GRIP1: variants seen among roughly 807,000 people sequenced by gnomAD.
GRIP1 encodes the protein glutamate receptor interacting protein 1, also known as glutamate receptor-interacting protein 1.
A neutral mutation model predicts 129.9 loss-of-function variants in GRIP1; 45 were observed. That is an observed-to-expected ratio of 0.35 (90% CI 0.27 to 0.44). The LOEUF is 0.44. GRIP1 is among the 20% of genes least tolerant of loss of function. The pLI is 1.00. For synonymous variants in GRIP1, 530 were observed against 520.8 expected, an observed-to-expected ratio of 1.02 and a Z score of -0.24; for missense variants, 1,196 against 1,396.8, an observed-to-expected ratio of 0.86 and a Z score of 2.29.
rs369899849 is a variant in GRIP1, at chr12:66,964,424, C to A, written c.58+104626G>T. On this transcript the variant is annotated intron_variant, in intron 1 of 1. Coordinates refer to the GRIP1 transcript ENST00000643019. Reference sequence around the variant, plus strand: ...TAATAAAAGCTTACTGCCCTAATGCCTAATCTCACTAGTCCCCCATTCACC... The same window carrying A: ...TAATAAAAGCTTACTGCCCTAATGCATAATCTCACTAGTCCCCCATTCACC... Among the ~76,000 whole-genome samples the A allele has an allele frequency of 6.6e-5, 10 of 152,126 alleles. 1 individual carries two copies. The South Asian group carries it at 2.1e-3, about 32-fold the overall frequency.
At chr12:66,826,713 T>G (rs1483083001) in intron 1 of GRIP1, among the ~76,000 whole-genome samples, 2 of 141,562 alleles carry the variant, frequency 1.4e-5, no homozygotes, top group African/African-American at 6.4e-5. Flanking sequence ...TTCTAGTCAA[T>G]GAAAAAATGA....
intron 1 of GRIP1, among the ~76,000 whole-genome samples, chr12:66,658,243 A>T (rs1285450184): frequency 1.3e-5 from 2 of 152,232 alleles, no homozygotes; most frequent in Admixed American, 1.3e-4. Context: ...ACTATTAATT[A>T]GCAAATTACT....
chr12:67,038,673 A>G (rs1019896388), intron 1 of GRIP1, among the ~76,000 whole-genome samples: 1 of 152,170 alleles, frequency 6.6e-6, no homozygotes, highest in Admixed American at 6.6e-5. Context: ...TCAAAACATG[A>G]TTGTGAAAGG....
chr12:67,000,054 T>C (rs1187647023), intron 1 of GRIP1, among the ~76,000 whole-genome samples: 1 of 152,212 alleles, frequency 6.6e-6, no homozygotes, highest in Non-Finnish European at 1.5e-5. Context: ...ACAGATCATA[T>C]GACAGCACAA....
chr12:66,669,803 T>G (rs1283511476), intron 1 of GRIP1, among the ~76,000 whole-genome samples: 1 of 152,182 alleles, frequency 6.6e-6, no homozygotes, highest in Non-Finnish European at 1.5e-5. Context: ...TGGCACACCA[T>G]TATAGAGTAG....
intron 1 of GRIP1, among the ~76,000 whole-genome samples, chr12:67,016,013 A>G (rs530050769): frequency 6.6e-6 from 1 of 152,286 alleles, no homozygotes; most frequent in Admixed American, 6.5e-5. Context: ...AGGACACAAT[A>G]GCATTTACTT....
At chr12:66,675,222 A>G (rs912530859) in intron 1 of GRIP1, among the ~76,000 whole-genome samples, 2 of 152,316 alleles carry the variant, frequency 1.3e-5, no homozygotes, top group Admixed American at 6.5e-5. Flanking sequence ...CAAAACAATG[A>G]AAGGTGCCCA....
In GRIP1 at chr12:66,801,567, A is replaced by G. The variant is rs140610988; in HGVS notation, c.-420+2486T>C. 1.6e-4 allele frequency among the ~76,000 whole-genome samples: 25 copies of G among 152,300 alleles called. No individual in the cohort carries two copies. The East Asian group carries it at 4.8e-3, about 29-fold the overall frequency. ...AATGGGTGGTGAAATTCTAAATCAGAACCCACAATAGAAGAGACATTAGGA... is the reference window on the plus strand; with the variant it reads ...AATGGGTGGTGAAATTCTAAATCAGGACCCACAATAGAAGAGACATTAGGA... On this transcript the variant is annotated intron_variant, in intron 1 of 4. Coordinates refer to the GRIP1 transcript ENST00000538373.
intron 7 of GRIP1, among the ~76,000 whole-genome samples, chr12:66,504,447 C>T (rs931735381): frequency 3.3e-5 from 5 of 152,134 alleles, no homozygotes; most frequent in Non-Finnish European, 7.4e-5. Context: ...GGTCTAGTGG[C>T]TTGAATCTCA....
chr12:66,623,407 C>T lies in GRIP1; in HGVS notation c.56-26480G>A, dbSNP rs533949148. Reference sequence around the variant, plus strand: ...AAGTAGCTTGCCCATTGTCACATAGCTGCTAACTGGGATTGGGCCTACTTA... The same window carrying T: ...AAGTAGCTTGCCCATTGTCACATAGTTGCTAACTGGGATTGGGCCTACTTA... On this transcript the variant is annotated intron_variant, in intron 1 of 24. Transcript: ENST00000359742. 2.6e-5 allele frequency among the ~76,000 whole-genome samples: 4 copies of T among 152,254 alleles called. No homozygotes were observed. The East Asian group carries it at 7.7e-4, about 29-fold the overall frequency.
chr12:66,364,573 C>A (rs2055024451), intron 23 of GRIP1, among the ~76,000 whole-genome samples: 1 of 152,158 alleles, frequency 6.6e-6, no homozygotes, highest in Non-Finnish European at 1.5e-5. Flanking sequence ...AAATATGGGA[C>A]AAAGGACAGA....
chr12:66,807,638 C>T (rs2039020212), upstream of GRIP1, among the ~76,000 whole-genome samples: 1 of 152,022 alleles, frequency 6.6e-6, no homozygotes, highest in Non-Finnish European at 1.5e-5. Flanking sequence ...CCCGCCACTG[C>T]ACTCCAGCCT....
At chr12:66,355,383 T>C (rs762818483) in intron 23 of GRIP1, among the ~76,000 whole-genome samples, 6 of 152,208 alleles carry the variant, frequency 3.9e-5, no homozygotes, top group Non-Finnish European at 8.8e-5. Context: ...ATTTAATCCT[T>C]ATAACGATTC....
At chr12:66,833,200 T>C (rs570249617) in intron 1 of GRIP1, among the ~76,000 whole-genome samples, 4 of 152,230 alleles carry the variant, frequency 2.6e-5, no homozygotes, top group Non-Finnish European at 5.9e-5. Context: ...AAAGGTTGTC[T>C]AGTTTACAGG....
At chr12:66,597,449 G>C (rs2064097303) in intron 1 of GRIP1, among the ~76,000 whole-genome samples, 1 of 152,142 alleles carries the variant, frequency 6.6e-6, no homozygotes, top group Non-Finnish European at 1.5e-5. Context: ...GGTTCCTCCT[G>C]GGAGTGTGAA....
chr12:66,357,147 G>C (rs1025946356), intron 23 of GRIP1, among the ~76,000 whole-genome samples: 4 of 152,168 alleles, frequency 2.6e-5, no homozygotes, highest in African/African-American at 7.2e-5. Flanking sequence ...AAAGTGCTGG[G>C]ATTACAGGTG....
chr12:66,409,989 G>A (rs377493233), intron 15 of GRIP1, among the ~76,000 whole-genome samples: 169 of 152,230 alleles, frequency 1.1e-3, no homozygotes, highest in East Asian at 4.1e-3. Flanking sequence ...GGTGGCTCAC[G>A]CCTGTAATCC....
chr12:67,040,009 G>A (rs1027946199), intron 1 of GRIP1, among the ~76,000 whole-genome samples: 41 of 152,078 alleles, frequency 2.7e-4, no homozygotes, highest in African/African-American at 8.7e-4. Flanking sequence ...TAAGCTGTTC[G>A]CTCTCCTCCC....
chr12:66,904,397 A>C (rs1292318735), intron 1 of GRIP1, among the ~76,000 whole-genome samples: 1 of 152,254 alleles, frequency 6.6e-6, no homozygotes, highest in African/African-American at 2.4e-5. Context: ...CAAGGATCAC[A>C]GATGGAAAAT....
Sources: gnomAD v4.1 joint callset for allele counts (sites outside exome capture counted in the v4.1 genomes callset) on GRCh38, gnomAD v4.1.1 for gene constraint, MANE v1.5 for transcripts, NCBI Gene and HGNC (gene_info 2026-07-23, HGNC 2026-07-21) for gene names.